Variants in AGPAT5 observed in about 807,000 individuals in gnomAD.
AGPAT5 encodes the protein 1-acylglycerol-3-phosphate O-acyltransferase 5, also known as 1-acyl-sn-glycerol-3-phosphate acyltransferase epsilon.
A neutral mutation model predicts 45.6 loss-of-function variants in AGPAT5; 46 were observed. The ratio of observed to expected loss-of-function variants is 1.01; its 90% CI spans 0.80 to 1.29. AGPAT5 has a LOEUF of 1.29. Ranked by LOEUF, AGPAT5 falls within the 50% of genes most tolerant of loss-of-function variation. AGPAT5 has a pLI of 0.00. For synonymous variants in AGPAT5, 272 were observed against 167.0 expected, an observed-to-expected ratio of 1.63 and a Z score of -4.85; for missense variants, 673 against 450.7, an observed-to-expected ratio of 1.49 and a Z score of -4.47.
intron 4 of AGPAT5, among the ~76,000 whole-genome samples, chr8:6,735,578 C>G (rs543622720): frequency 2.6e-5 from 4 of 152,192 alleles, no homozygotes; most frequent in Non-Finnish European, 5.9e-5. Context: ...TCTTGTTTCT[C>G]CTTTGAGTTT....
At position 6,758,514 on chromosome 8, in the gene AGPAT5, T is replaced by C. The variant is rs775143238; in HGVS notation, c.*1126T>C. On this transcript the variant is annotated 3_prime_UTR_variant, in exon 8 of 8. Transcript: ENST00000285518. ...TGCCCACTTTCAGAGTTGAACTCTT[T>C]AAGCCCTTGTGAGTGGGCTTCACCA... is the stretch of plus-strand genomic sequence containing the variant. 7.2e-5 allele frequency: 11 copies of C among 152,462 alleles called. No individual in the cohort carries two copies. Among genetic ancestry groups the C allele is most frequent in the Admixed American group, 2.6e-4 (4 of 15,290 alleles). 9.4% of individuals were successfully genotyped at this position (152,462 alleles called of 1,614,324 possible).
chr8:6,740,479 A>T (rs567210171), intron 4 of AGPAT5, among the ~76,000 whole-genome samples: 1 of 148,408 alleles, frequency 6.7e-6, no homozygotes, highest in African/African-American at 2.4e-5. Context: ...CATATAAATT[A>T]TTGTTTAATA....
chr8:6,757,521 A>T lies in AGPAT5; in HGVS notation c.*133A>T. 1 of 719,398 alleles carries T rather than the reference A, an allele frequency of 1.4e-6. No individual in the cohort carries two copies. Among genetic ancestry groups the T allele is most frequent in the East Asian group, 2.7e-5 (1 of 37,030 alleles). 44.6% of individuals were successfully genotyped at this position (719,398 alleles called of 1,614,324 possible). ...TTGTTGATTGAAGATTGGATAATAGAATTTGTGACGAAAGCTGATATGCAA... is the reference window on the plus strand; with the variant it reads ...TTGTTGATTGAAGATTGGATAATAGTATTTGTGACGAAAGCTGATATGCAA... On this transcript the variant is annotated 3_prime_UTR_variant, in exon 8 of 8. Coordinates refer to ENST00000285518, the MANE Select transcript of AGPAT5 (RefSeq NM_018361.5).
chr8:6,741,000 C>G (rs1801227688), intron 4 of AGPAT5, among the ~76,000 whole-genome samples: 1 of 152,046 alleles, frequency 6.6e-6, no homozygotes, highest in Non-Finnish European at 1.5e-5. Flanking sequence ...TCTGTTTTTA[C>G]TTTCCTAAGC....
intron 6 of AGPAT5, among the ~76,000 whole-genome samples, chr8:6,752,699 TTAGAG>T (rs1801697290): frequency 6.6e-6 from 1 of 152,332 alleles, no homozygotes; most frequent in East Asian, 1.9e-4. Context: ...CAATAATATC[TTAGAG>T]TATTTTTTCC....
chr8:6,731,848 C>G (rs559804588), intron 3 of AGPAT5, among the ~76,000 whole-genome samples: 17 of 152,154 alleles, frequency 1.1e-4, no homozygotes, highest in Non-Finnish European at 2.2e-4. Flanking sequence ...CTCCCAAGGC[C>G]TCTCTCCCAG....
intron 6 of AGPAT5, among the ~76,000 whole-genome samples, chr8:6,752,932 A>G (rs1317446816): frequency 6.6e-6 from 1 of 152,086 alleles, no homozygotes; most frequent in African/African-American, 2.4e-5. Context: ...CATTGTCCCT[A>G]CCTGGGTCCT....
chr8:6,755,307 G>C (rs1801798416), intron 7 of AGPAT5, 133 bp downstream of exon 7: 2 of 1,015,564 alleles, frequency 2.0e-6, no homozygotes, highest in Non-Finnish European at 2.8e-6. Context: ...CAAATTTTAT[G>C]CATGTCTGAT....
chr8:6,713,308 A>G (rs201490197), intron 1 of AGPAT5, among the ~76,000 whole-genome samples: 1 of 152,158 alleles, frequency 6.6e-6, no homozygotes, highest in East Asian at 1.9e-4. Flanking sequence ...TCTTGCTTAA[A>G]TCAGTTGGTA....
intron 6 of AGPAT5, among the ~76,000 whole-genome samples, chr8:6,752,346 A>G (rs1313909176): frequency 6.6e-6 from 1 of 152,188 alleles, no homozygotes; most frequent in Non-Finnish European, 1.5e-5. Flanking sequence ...TGGAGAGAGT[A>G]TGTGCCTTTA....
At chr8:6,710,115 G>A (rs1446276102) in intron 1 of AGPAT5, among the ~76,000 whole-genome samples, 1 of 151,760 alleles carries the variant, frequency 6.6e-6, no homozygotes, top group Non-Finnish European at 1.5e-5. Context: ...AGAACACAAA[G>A]TCATTCACCT....
In AGPAT5 at chr8:6,730,753, C is replaced by A. The variant is rs138829950; in HGVS notation, c.332C>A (p.Ala111Glu). Residue 111 changes from alanine to glutamate, a missense_variant, in exon 3 of 8, where the codon GCG becomes GAG. Ala to Glu is a moderately radical substitution (Grantham distance 107, BLOSUM62 -1). Coordinates refer to ENST00000285518, the MANE Select transcript of AGPAT5 (RefSeq NM_018361.5). ...VADILAIRQN[A>E]LGHVRYVLKE... is the part of the protein sequence containing the mutation. Reference sequence around the variant, plus strand: ...GACATCTTGGCCATCAGGCAGAATGCGCTAGGACATGTGCGCTACGTGCTG... The same window carrying A: ...GACATCTTGGCCATCAGGCAGAATGAGCTAGGACATGTGCGCTACGTGCTG... 3 of 1,613,370 alleles carry A rather than the reference C, an allele frequency of 1.9e-6. No individual in the cohort carries two copies. Among genetic ancestry groups the A allele is most frequent in the Non-Finnish European group, 2.5e-6 (3 of 1,179,584 alleles).
intron 4 of AGPAT5, among the ~76,000 whole-genome samples, chr8:6,734,954 T>A (rs911220237): frequency 5.3e-5 from 8 of 152,076 alleles, no homozygotes; most frequent in African/African-American, 1.4e-4. Flanking sequence ...CACCTTGGAG[T>A]GGCTCTCTTC....
intron 1 of AGPAT5, among the ~76,000 whole-genome samples, chr8:6,711,337 C>A (rs909483732): frequency 6.6e-6 from 1 of 152,174 alleles, no homozygotes; most frequent in African/African-American, 2.4e-5. Flanking sequence ...ACTTTATTTT[C>A]ATATGTATCT....
At chr8:6,716,274 A>G (rs1480253431) in intron 1 of AGPAT5, among the ~76,000 whole-genome samples, 1 of 152,180 alleles carries the variant, frequency 6.6e-6, no homozygotes, top group African/African-American at 2.4e-5. Context: ...ATGGTGGAGT[A>G]GTCTGGGCAC....
At chr8:6,709,215 G>A in intron 1 of AGPAT5, 1 of 389,104 alleles carries the variant, frequency 2.6e-6, no homozygotes, top group Non-Finnish European at 4.8e-6. Flanking sequence ...GCAGTTTCTG[G>A]CCTTTGGTCC....
intron 4 of AGPAT5, among the ~76,000 whole-genome samples, chr8:6,737,726 T>G (rs1801101324): frequency 6.6e-6 from 1 of 152,254 alleles, no homozygotes; most frequent in Non-Finnish European, 1.5e-5. Context: ...GTTTTGAAAT[T>G]AGATTCAGGT....
At chr8:6,731,211 A>T (rs1800850515) in intron 3 of AGPAT5, among the ~76,000 whole-genome samples, 2 of 152,196 alleles carry the variant, frequency 1.3e-5, no homozygotes, top group Non-Finnish European at 2.9e-5. Flanking sequence ...ATGTGAATGT[A>T]TGGTTTTTAA....
intron 1 of AGPAT5, 101 bp downstream of exon 1, chr8:6,708,988 C>A: frequency 8.4e-7 from 1 of 1,184,626 alleles, no homozygotes; most frequent in Non-Finnish European, 1.2e-6. Flanking sequence ...CCGGCCGGCC[C>A]GGCGGACCCA....
Sources: gnomAD v4.1 joint callset for allele counts (sites outside exome capture counted in the v4.1 genomes callset) on GRCh38, gnomAD v4.1.1 for gene constraint, MANE v1.5 for transcripts, NCBI Gene and HGNC (gene_info 2026-07-23, HGNC 2026-07-21) for gene names.